TMEM150B: variants seen among roughly 807,000 people sequenced by gnomAD.
The protein encoded by TMEM150B is modulator of macroautophagy TMEM150B.
A neutral mutation model predicts 25.2 loss-of-function variants in TMEM150B; 33 were observed. The observed-to-expected ratio is 1.31, with a 90% CI of 0.99 to 1.75. TMEM150B has a LOEUF of 1.75. TMEM150B is among the 40% of genes most tolerant of loss of function. The pLI, the probability that TMEM150B is intolerant of heterozygous loss-of-function variation, is 0.00. For synonymous variants in TMEM150B, 133 were observed against 134.8 expected, an observed-to-expected ratio of 0.99 and a Z score of 0.09; for missense variants, 322 against 306.1, an observed-to-expected ratio of 1.05 and a Z score of -0.39.
Position 55,320,171 on chromosome 19 carries a change from G to A in TMEM150B, c.197-5C>T, listed in dbSNP as rs923027423. 1 of 1,613,638 alleles carries A rather than the reference G, an allele frequency of 6.2e-7. No homozygotes were observed. The highest frequency in any genetic ancestry group is 1.7e-5 in the Admixed American group (1 of 59,938). ...GGACAATGCAGATCCACGCGGCTGG[G>A]AGTAGAGGGGAGAAGGAAGTGGGAG... On this transcript the variant is annotated splice_region_variant and splice_polypyrimidine_tract_variant and intron_variant, in intron 5 of 7. Coordinates refer to ENST00000326652, the MANE Select transcript of TMEM150B (RefSeq NM_001282011.2).
At chr19:55,312,662 C>T (rs1427069069), downstream of TMEM150B, 13 of 577,882 alleles carry the variant, frequency 2.2e-5, no homozygotes, top group South Asian at 8.7e-5. Context: ...AAGGCGGGGA[C>T]GGGGATGCTG....
At chr19:55,316,995 G>A (rs1408937836) in intron 6 of TMEM150B, 29 bp from the exon 7 acceptor site, 1 of 1,581,300 alleles carries the variant, frequency 6.3e-7, no homozygotes, top group South Asian at 1.2e-5. Flanking sequence ...AGTTGGGAGG[G>A]AGACTCTGGG....
intron 2 of TMEM150B, among the ~76,000 whole-genome samples, chr19:55,321,697 G>C (rs934494810): frequency 1.6e-4 from 24 of 152,054 alleles, no homozygotes; most frequent in Non-Finnish European, 3.1e-4. Flanking sequence ...TGAGCCTCCA[G>C]CTCTCTCCAG....
chr19:55,312,670 C>T, downstream of TMEM150B: 1 of 618,824 alleles, frequency 1.6e-6, no homozygotes, highest in Non-Finnish European at 2.6e-6. Flanking sequence ...GACGGGGATG[C>T]TGGCTGCCAC....
intron 1 of TMEM150B, among the ~76,000 whole-genome samples, chr19:55,324,017 A>G (rs1280987472): frequency 6.7e-6 from 1 of 149,958 alleles, no homozygotes; most frequent in African/African-American, 2.5e-5. Context: ...CATGTTGGCC[A>G]GGCTGGCCTC....
At chr19:55,312,756 TGGAGA>T (rs1412161400), downstream of TMEM150B, 1 of 1,284,934 alleles carries the variant, frequency 7.8e-7, no homozygotes, top group Non-Finnish European at 1.1e-6. Context: ...CCCAGCTGGT[TGGAGA>T]GATCTCCAGT....
chr19:55,315,550 A>T (rs1353417239), intron 7 of TMEM150B, among the ~76,000 whole-genome samples: 1 of 152,134 alleles, frequency 6.6e-6, no homozygotes, highest in Non-Finnish European at 1.5e-5. Context: ...TCACAAGGTC[A>T]AGAGATCAAG....
chr19:55,312,130 GA>G, downstream of TMEM150B: 1 of 714,000 alleles, frequency 1.4e-6, no homozygotes, highest in East Asian at 3.2e-5. Flanking sequence ...CCCCAACTGT[GA>G]ATCTGTAAAT....
rs199745150 is a variant in TMEM150B at position 55,320,970 on chromosome 19, C to T, written c.67G>A (p.Val23Ile). The T allele has an allele frequency of 4.0e-5, 65 of 1,613,718 alleles. No individual in the cohort carries two copies. In the African/African-American group the frequency reaches 7.7e-4, roughly 19 times the overall value. Reference protein sequence around the residue: ...AVWAISGVWIVFAIAVTNRTV... With the variant: ...AVWAISGVWIIFAIAVTNRTV... ...GTCCATCATGCCTCTGACACTCACA[C>T]GATCCAGACGCCAGAGATAGCCCAG... Residue 23 changes from valine to isoleucine, a missense_variant and splice_region_variant, in exon 3 of 8, where the codon GTT becomes ATT. Physicochemically the swap from Val to Ile is conservative, Grantham distance 29. Transcript: ENST00000326652.
At chr19:55,322,136 C>T (rs1954240109) in intron 2 of TMEM150B, among the ~76,000 whole-genome samples, 3 of 152,162 alleles carry the variant, frequency 2.0e-5, no homozygotes, top group African/African-American at 7.2e-5. Context: ...ATGGCCTCTT[C>T]CTTCTTCCCA....
chr19:55,311,134 G>A (rs2088783440), downstream of TMEM150B, among the ~76,000 whole-genome samples: 1 of 151,984 alleles, frequency 6.6e-6, no homozygotes, highest in Admixed American at 6.5e-5. Flanking sequence ...GCTAATTTTT[G>A]TATTTTTAGT....
chr19:55,322,011 A>G (rs902377994), intron 2 of TMEM150B, among the ~76,000 whole-genome samples: 6 of 152,048 alleles, frequency 3.9e-5, no homozygotes, highest in African/African-American at 1.4e-4. Context: ...CCATCCGAAA[A>G]TTCCCCCAGC....
rs756208873 is a variant in TMEM150B at position 55,313,023 on chromosome 19, C to T, written c.538G>A (p.Val180Ile). The T allele has an allele frequency of 1.7e-5, 28 of 1,613,042 alleles. No homozygotes were observed. Among genetic ancestry groups the T allele is most frequent in the African/African-American group, 2.7e-5 (2 of 74,906 alleles). Residue 180 changes from valine (V) to isoleucine (I), a missense_variant, in exon 8 of 8, where the codon GTC becomes ATC. Transcript: ENST00000326652. ...IVLHACSLRS[V>I]SAACEWVVAM... The stretch of plus-strand genomic sequence containing the variant: ...ACGACCCACTCGCAGGCCGCAGAGA[C>T]GCTACGCAGCGAGCAGGCGTGGAGG...
At chr19:55,325,238 G>A in intron 1 of TMEM150B, 34 bp downstream of exon 1, 9 of 981,042 alleles carry the variant, frequency 9.2e-6, no homozygotes, top group Non-Finnish European at 1.1e-5. Context: ...AGCCTGCCGA[G>A]CTACTTTCAA....
At chr19:55,312,201 G>A, downstream of TMEM150B, 1 of 494,560 alleles carries the variant, frequency 2.0e-6, no homozygotes, top group Non-Finnish European at 3.6e-6. Flanking sequence ...GCCCTGCAGG[G>A]ATGGGGCTCC....
downstream of TMEM150B, chr19:55,312,533 CA>C (rs372052269): frequency 9.8e-3 from 251 of 25,720 alleles, no homozygotes; most frequent in African/African-American, 0.036. Context: ...CCGCCGGCGG[CA>C]AAAAAAAAAA....
intron 7 of TMEM150B, among the ~76,000 whole-genome samples, chr19:55,313,938 G>A (rs945816839): frequency 4.6e-5 from 7 of 152,124 alleles, no homozygotes; most frequent in African/African-American, 7.2e-5. Context: ...GGTGGCTCAC[G>A]CCTACAATCC....
downstream of TMEM150B, chr19:55,312,371 C>A: frequency 5.0e-6 from 1 of 198,116 alleles, no homozygotes; most frequent in Non-Finnish European, 1.0e-5. Flanking sequence ...CTTAGCAGAT[C>A]CGGACAGGGC....
chr19:55,324,933 A>G, intron 1 of TMEM150B: 1 of 968,642 alleles, frequency 1.0e-6, no homozygotes, highest in Non-Finnish European at 1.2e-6. Flanking sequence ...GCTATGAGGG[A>G]GCCCAGGGGA....
Sources: allele counts gnomAD v4.1 joint callset (sites outside exome capture counted in the v4.1 genomes callset), GRCh38; gene constraint gnomAD v4.1.1; transcripts MANE v1.5; gene names NCBI Gene and HGNC (gene_info 2026-07-23, HGNC 2026-07-21).